Variants in OXR1 observed in about 807,000 individuals in gnomAD.
OXR1 encodes the protein oxidation resistance 1, also known as oxidation resistance protein 1.
A neutral mutation model predicts 104.6 loss-of-function variants in OXR1; 41 were observed. That is an observed-to-expected ratio of 0.39 (90% confidence interval 0.31 to 0.51). The LOEUF (loss-of-function observed/expected upper bound fraction) is 0.51, where lower values mean the gene tolerates loss of function less well. Among genes scored for constraint, OXR1 ranks in the 20% least tolerant of loss-of-function variants. The pLI is 0.77. For synonymous variants in OXR1, 348 were observed against 348.4 expected (o/e 1.00, Z 0.01); for missense variants, 955 against 1,031.9 (o/e 0.93, Z 1.02).
At chr8:106,732,554 GTTC>G (rs1440822984) in intron 11 of OXR1, among the ~76,000 whole-genome samples, 7 of 152,008 alleles carry the variant, frequency 4.6e-5, no homozygotes, top group South Asian at 2.1e-4. Context: ...AGTTGAGGGA[GTTC>G]TTCTTTATTC....
intron 3 of OXR1, among the ~76,000 whole-genome samples, chr8:106,564,076 A>C (rs762474741): frequency 2.6e-5 from 4 of 152,190 alleles, no homozygotes; most frequent in Non-Finnish European, 5.9e-5. Context: ...ACAATTAAAA[A>C]ACTAGAGAAG....
chr8:106,300,372 A>G (rs1563703742), intron 1 of OXR1, among the ~76,000 whole-genome samples: 1 of 152,062 alleles, frequency 6.6e-6, no homozygotes, highest in Non-Finnish European at 1.5e-5. Flanking sequence ...TTTATACTTC[A>G]GCATCTTTAT....
intron 11 of OXR1, among the ~76,000 whole-genome samples, chr8:106,733,913 G>A (rs1448778058): frequency 6.7e-6 from 1 of 149,616 alleles, no homozygotes; most frequent in Non-Finnish European, 1.5e-5. Context: ...CCTTTTCCCA[G>A]TATTGATGAA....
chr8:106,323,152 A>C (rs1814297373), intron 1 of OXR1, among the ~76,000 whole-genome samples: 1 of 152,258 alleles, frequency 6.6e-6, no homozygotes, highest in African/African-American at 2.4e-5. Context: ...ACAAGGCTAC[A>C]GTAATGAAAA....
intron 2 of OXR1, among the ~76,000 whole-genome samples, chr8:106,383,830 A>G (rs150910949): frequency 2.6e-5 from 4 of 152,316 alleles, no homozygotes; most frequent in Non-Finnish European, 5.9e-5. Flanking sequence ...TTTATCATGT[A>G]GCACTTAGGA....
At chr8:106,437,325 C>A (rs368999250) in intron 2 of OXR1, among the ~76,000 whole-genome samples, 2 of 152,040 alleles carry the variant, frequency 1.3e-5, no homozygotes, top group African/African-American at 2.4e-5. Context: ...ATAATGATTT[C>A]GTGTCTAATT....
At chr8:106,697,297 G>GAA in intron 7 of OXR1, 1 of 763,158 alleles carries the variant, frequency 1.3e-6, no homozygotes, top group Non-Finnish European at 2.2e-6. Context: ...AGGACAGGCT[G>GAA]AACCCCTCAC....
chr8:106,528,464 A>G (rs2130209300), intron 3 of OXR1, among the ~76,000 whole-genome samples: 1 of 152,306 alleles, frequency 6.6e-6, no homozygotes, highest in East Asian at 1.9e-4. Flanking sequence ...TACTAACCCC[A>G]GGCTGCTTAC....
intron 3 of OXR1, among the ~76,000 whole-genome samples, chr8:106,550,953 C>T (rs144609590): frequency 1.4e-3 from 206 of 152,224 alleles, no homozygotes; most frequent in Non-Finnish European, 2.6e-3. Flanking sequence ...TAGAATGGCC[C>T]TTTCTTTTAT....
intron 4 of OXR1, among the ~76,000 whole-genome samples, chr8:106,682,260 T>G (rs1294413504): frequency 6.8e-6 from 1 of 146,260 alleles, no homozygotes; most frequent in Non-Finnish European, 1.5e-5. Flanking sequence ...TCTTCAGAGC[T>G]CTCTCTTTTT....
intron 7 of OXR1, among the ~76,000 whole-genome samples, chr8:106,696,648 C>T (rs1424596300): frequency 1.3e-5 from 2 of 152,144 alleles, no homozygotes; most frequent in Admixed American, 6.5e-5. Context: ...AGACTTCAGC[C>T]GTTCTAATAG....
At chr8:106,588,303 G>T (rs1818808241) in intron 3 of OXR1, among the ~76,000 whole-genome samples, 1 of 151,616 alleles carries the variant, frequency 6.6e-6, no homozygotes, top group African/African-American at 2.4e-5. Flanking sequence ...TGCAGTGATG[G>T]GTTGGAAATT....
chr8:106,512,399 A>T (rs1812590989), intron 2 of OXR1, among the ~76,000 whole-genome samples: 1 of 152,170 alleles, frequency 6.6e-6, no homozygotes, highest in Non-Finnish European at 1.5e-5. Context: ...GGTTTTCTCA[A>T]CTGTTGCTAC....
intron 3 of OXR1, among the ~76,000 whole-genome samples, chr8:106,573,142 A>G (rs1817592333): frequency 6.6e-6 from 1 of 152,170 alleles, no homozygotes; most frequent in Non-Finnish European, 1.5e-5. Context: ...TTTTTGTTGT[A>G]TTCAAGTCCT....
At chr8:106,367,749 A>G (rs1042036382) in intron 2 of OXR1, among the ~76,000 whole-genome samples, 4 of 152,194 alleles carry the variant, frequency 2.6e-5, no homozygotes, top group Admixed American at 2.6e-4. Flanking sequence ...GCTCATAAAG[A>G]TAGAGTATGA....
intron 2 of OXR1, among the ~76,000 whole-genome samples, chr8:106,394,700 C>T (rs1817709766): frequency 6.6e-6 from 1 of 151,998 alleles, no homozygotes; most frequent in Non-Finnish European, 1.5e-5. Flanking sequence ...TATTTGACTT[C>T]ACTTATTTTA....
chr8:106,326,317 A>G (rs1814466940), intron 1 of OXR1, among the ~76,000 whole-genome samples: 1 of 152,208 alleles, frequency 6.6e-6, no homozygotes, highest in African/African-American at 2.4e-5. Flanking sequence ...TGGTTAGGTA[A>G]ATTTTCTCGT....
chr8:106,706,705 G>A lies in OXR1; in HGVS notation c.1184G>A (p.Arg395Lys). The A allele has an allele frequency of 6.2e-7, 1 of 1,612,098 alleles. No homozygotes were observed. Among genetic ancestry groups the A allele is most frequent in the South Asian group, 1.1e-5 (1 of 90,554 alleles). Residue 395 changes from arginine (R) to lysine (K), a missense_variant, in exon 9 of 17, where the codon AGA (arginine) becomes AAA (lysine). Arg to Lys is a conservative substitution (Grantham distance 26, BLOSUM62 2). Around this residue, in one of 2 missense-constraint regions of OXR1, gnomAD observed 849 missense variants for 852.9 expected, o/e 1.00. Transcript: ENST00000517566. ...SESTGTPGHL[R>K]SDTEHSTNEV... Reference sequence around the variant, plus strand: ...TCTACTGGTACTCCTGGTCACTTAAGATCTGATACTGAACATTCTACAAAT... The same window carrying A: ...TCTACTGGTACTCCTGGTCACTTAAAATCTGATACTGAACATTCTACAAAT...
At chr8:106,657,177 G>A (rs1339410387) in intron 3 of OXR1, among the ~76,000 whole-genome samples, 1 of 151,990 alleles carries the variant, frequency 6.6e-6, no homozygotes, top group East Asian at 1.9e-4. Flanking sequence ...CCTCAATAAC[G>A]TTGCCTAAAC....
Sources: gnomAD v4.1 joint callset for allele counts (sites outside exome capture counted in the v4.1 genomes callset) on GRCh38, gnomAD v4.1.1 for gene constraint, gnomAD v4.1.1 regional missense constraint, MANE v1.5 for transcripts, NCBI Gene and HGNC (gene_info 2026-07-23, HGNC 2026-07-21) for gene names.